Variants in FNIP2 observed in about 807,000 individuals in gnomAD.
FNIP2 encodes folliculin-interacting protein 2.
FNIP2 carries 32 observed loss-of-function variants against 108.7 expected under a neutral mutation model. That is an observed-to-expected ratio of 0.29 (90% CI 0.22 to 0.40). FNIP2 has a LOEUF of 0.40. FNIP2 is among the 10% of genes least tolerant of loss of function. FNIP2 has a pLI of 1.00. For synonymous variants in FNIP2, 480 were observed against 496.7 expected, an observed-to-expected ratio of 0.97 and a Z score of 0.45; for missense variants, 1,202 against 1,381.6, an observed-to-expected ratio of 0.87 and a Z score of 2.06.
intron 1 of FNIP2, among the ~76,000 whole-genome samples, chr4:158,782,253 C>T (rs937762982): frequency 2.0e-5 from 3 of 152,182 alleles, no homozygotes; most frequent in Non-Finnish European, 4.4e-5. Flanking sequence ...AATTTTGGTG[C>T]TGGGATGCAA....
chr4:158,901,219 G>A (rs982076153), intron 16 of FNIP2, among the ~76,000 whole-genome samples: 5 of 140,516 alleles, frequency 3.6e-5, no homozygotes, highest in African/African-American at 8.1e-5. Context: ...TGCAACCTCC[G>A]CCCCTCCAGG....
chr4:158,807,066 A>G (rs992852784), intron 1 of FNIP2, among the ~76,000 whole-genome samples: 2 of 152,224 alleles, frequency 1.3e-5, no homozygotes, highest in Non-Finnish European at 2.9e-5. Context: ...ACTTAATTGA[A>G]ATGCTATTTG....
chr4:158,816,784 C>CAA (rs543335523), intron 1 of FNIP2, among the ~76,000 whole-genome samples: 4 of 101,266 alleles, frequency 3.9e-5, no homozygotes, highest in Admixed American at 2.1e-4. Flanking sequence ...GACTCTGTCT[C>CAA]AAAAAAAAAA....
At chr4:158,847,723 C>T (rs1779482456) in intron 7 of FNIP2, among the ~76,000 whole-genome samples, 1 of 152,154 alleles carries the variant, frequency 6.6e-6, no homozygotes, top group South Asian at 2.1e-4. Context: ...GACATTGGCT[C>T]TTGGACAGCA....
chr4:158,818,644 G>A (rs1214076597), intron 1 of FNIP2, among the ~76,000 whole-genome samples: 1 of 152,156 alleles, frequency 6.6e-6, no homozygotes, highest in African/African-American at 2.4e-5. Flanking sequence ...ATGTAGTGTA[G>A]CATCTTTCTG....
At chr4:158,853,546 G>A (rs1779816170) in intron 8 of FNIP2, among the ~76,000 whole-genome samples, 2 of 152,142 alleles carry the variant, frequency 1.3e-5, no homozygotes, top group Non-Finnish European at 2.9e-5. Flanking sequence ...CCCACGACAG[G>A]CGCCGGTGTG....
At chr4:158,902,748 C>T (rs896923928) in intron 16 of FNIP2, among the ~76,000 whole-genome samples, 4 of 152,230 alleles carry the variant, frequency 2.6e-5, no homozygotes, top group African/African-American at 4.8e-5. Context: ...CAGTGGGCTC[C>T]GCCCAGTTTG....
chr4:158,797,815 C>G (rs1171339087), intron 1 of FNIP2, among the ~76,000 whole-genome samples: 1 of 152,128 alleles, frequency 6.6e-6, no homozygotes, highest in Non-Finnish European at 1.5e-5. Context: ...CAAGAGGGAG[C>G]CAGGAGTGCC....
intron 1 of FNIP2, among the ~76,000 whole-genome samples, chr4:158,795,505 G>A (rs904093086): frequency 6.6e-6 from 1 of 152,188 alleles, no homozygotes; most frequent in Non-Finnish European, 1.5e-5. Context: ...TATAATAGCA[G>A]CTAAAGCACT....
At chr4:158,818,329 G>T (rs1365787415) in intron 1 of FNIP2, among the ~76,000 whole-genome samples, 1 of 152,196 alleles carries the variant, frequency 6.6e-6, no homozygotes, top group African/African-American at 2.4e-5. Flanking sequence ...ACTTTTGGCT[G>T]TTATTTTTGT....
chr4:158,869,139 G>C lies in FNIP2; in HGVS notation c.2503G>C (p.Glu835Gln), dbSNP rs773004571. The C allele has an allele frequency of 1.1e-5, 17 of 1,613,580 alleles. No homozygotes were observed. The highest frequency in any genetic ancestry group is 1.7e-4 in the Middle Eastern group (1 of 6,060). The change falls in exon 13 of 17, where the codon GAG (glutamate) becomes CAG (glutamine). Residue 835 changes from glutamate to glutamine, a missense_variant. This residue lies in a region of FNIP2 where 878 missense variants were observed against 990.3 expected (regional missense o/e 0.89). Transcript: ENST00000264433. ...AGGAGGAACGGGAGGGAGGAGGCTG[G>C]AGGCCACTAGAGGTTTGTATGTGAA... is the stretch of plus-strand genomic sequence containing the variant. ...GAGGTGGRRL[E>Q]ATRGLYVKAA...
At chr4:158,784,459 A>G (rs1776150837) in intron 1 of FNIP2, among the ~76,000 whole-genome samples, 1 of 152,218 alleles carries the variant, frequency 6.6e-6, no homozygotes, top group African/African-American at 2.4e-5. Context: ...ATTCAAGCAC[A>G]TTACATTTAT....
intron 2 of FNIP2, among the ~76,000 whole-genome samples, chr4:158,827,199 T>A (rs1241091487): frequency 6.6e-6 from 1 of 152,190 alleles, no homozygotes; most frequent in African/African-American, 2.4e-5. Context: ...AGGTTAGATT[T>A]GTAACAGAAA....
chr4:158,898,450 T>A (rs1053949916), intron 16 of FNIP2, among the ~76,000 whole-genome samples: 1 of 152,226 alleles, frequency 6.6e-6, no homozygotes, highest in Non-Finnish European at 1.5e-5. Flanking sequence ...TTTCACAATA[T>A]TGATTCTTCC....
chr4:158,870,733 G>A (rs1317751404), intron 14 of FNIP2, among the ~76,000 whole-genome samples: 6 of 152,216 alleles, frequency 3.9e-5, no homozygotes, highest in East Asian at 1.9e-4. Flanking sequence ...GACGAGGGGC[G>A]GCCTGGCTGC....
intron 16 of FNIP2, 93 bp downstream of exon 16, chr4:158,895,958 C>T: frequency 1.1e-6 from 1 of 888,498 alleles, no homozygotes; most frequent in East Asian, 2.7e-5. Flanking sequence ...CCCTAAACCT[C>T]AGGCCCTGGT....
intron 1 of FNIP2, among the ~76,000 whole-genome samples, chr4:158,807,508 A>AAAT (rs751744966): frequency 2.6e-5 from 4 of 152,134 alleles, no homozygotes; most frequent in Non-Finnish European, 5.9e-5. Flanking sequence ...GTCGCTTTAA[A>AAAT]AATAATAATA....
intron 1 of FNIP2, among the ~76,000 whole-genome samples, chr4:158,808,158 A>G (rs768338751): frequency 7.9e-5 from 12 of 152,116 alleles, no homozygotes; most frequent in Non-Finnish European, 1.3e-4. Flanking sequence ...TGAGATTCTT[A>G]GATGTAGTAG....
chr4:158,893,733 T>C, intron 15 of FNIP2: 1 of 1,550,372 alleles, frequency 6.5e-7, no homozygotes, highest in South Asian at 1.2e-5. Context: ...AGAGAAGTAA[T>C]GTATATTAGA....
Sources: gnomAD v4.1 joint callset for allele counts (sites outside exome capture counted in the v4.1 genomes callset) on GRCh38, gnomAD v4.1.1 for gene constraint, gnomAD v4.1.1 regional missense constraint, MANE v1.5 for transcripts, NCBI Gene and HGNC (gene_info 2026-07-23, HGNC 2026-07-21) for gene names.